Variants in CAMTA1 observed in about 807,000 individuals in gnomAD.
CAMTA1 encodes the protein calmodulin binding transcription activator 1, also known as calmodulin-binding transcription activator 1.
Under a neutral mutation model 170.9 loss-of-function variants are expected in CAMTA1, and 27 were observed. The observed-to-expected ratio is 0.16, with a 90% confidence interval of 0.12 to 0.22. The LOEUF is 0.22. Ranked by LOEUF, CAMTA1 falls within the 10% of genes least tolerant of loss-of-function variation. The pLI is 1.00. For synonymous variants in CAMTA1, 833 were observed against 891.5 expected, an observed-to-expected ratio of 0.93 and a Z score of 1.17; for missense variants, 1,619 against 2,217.2, an observed-to-expected ratio of 0.73 and a Z score of 5.42.
At chr1:7,518,149 T>C (rs2094311872) in intron 6 of CAMTA1, among the ~76,000 whole-genome samples, 2 of 151,944 alleles carry the variant, frequency 1.3e-5, no homozygotes, top group East Asian at 1.9e-4. Flanking sequence ...CAAGCACGTG[T>C]CAGGGATATG....
chr1:7,691,061 GA>G lies in CAMTA1; in HGVS notation c.2914+13330del, dbSNP rs1273915964. ...TTCCCGTCCAGGGGAGGAAACATCC[GA>G]ACTGACCACCTGTCTTCGCACAAAC... On this transcript the variant is annotated intron_variant, in intron 11 of 22. Transcript: ENST00000303635. Among the ~76,000 whole-genome samples, 19 of 152,328 alleles carry G rather than the reference GA, an allele frequency of 1.2e-4. No homozygotes were observed. The East Asian group carries it at 3.5e-3, about 28-fold the overall frequency.
chr1:7,524,821 T>C (rs1332565853), intron 6 of CAMTA1, among the ~76,000 whole-genome samples: 1 of 152,028 alleles, frequency 6.6e-6, no homozygotes, highest in Non-Finnish European at 1.5e-5. Context: ...AGCCTCCCGC[T>C]CAGGTTTTTG....
chr1:6,953,790 G>A (rs978584598), intron 3 of CAMTA1, among the ~76,000 whole-genome samples: 3 of 150,912 alleles, frequency 2.0e-5, no homozygotes, highest in South Asian at 2.1e-4. Flanking sequence ...TTTCTGGTAC[G>A]TACAGCACAT....
At chr1:7,725,306 A>C (rs1338960129) in intron 11 of CAMTA1, among the ~76,000 whole-genome samples, 2 of 152,248 alleles carry the variant, frequency 1.3e-5, no homozygotes, top group East Asian at 3.8e-4. Flanking sequence ...AAGACAGCCC[A>C]TGTTGTCAGC....
intron 6 of CAMTA1, among the ~76,000 whole-genome samples, chr1:7,568,043 A>G (rs1175358274): frequency 6.6e-6 from 1 of 152,154 alleles, no homozygotes. Flanking sequence ...AAGGTGATCA[A>G]TAAATGTTTA....
intron 3 of CAMTA1, among the ~76,000 whole-genome samples, chr1:6,925,617 C>G (rs1021854670): frequency 6.6e-6 from 1 of 152,254 alleles, no homozygotes; most frequent in South Asian, 2.1e-4. Flanking sequence ...CTCTGCCCTC[C>G]AGCCACTCCT....
intron 7 of CAMTA1, among the ~76,000 whole-genome samples, chr1:7,658,665 G>C (rs2095926902): frequency 6.6e-6 from 1 of 152,196 alleles, no homozygotes; most frequent in African/African-American, 2.4e-5. Flanking sequence ...TGGGCATAGG[G>C]ACAGGCCAGA....
intron 5 of CAMTA1, among the ~76,000 whole-genome samples, chr1:7,361,272 C>A (rs1452044693): frequency 6.6e-6 from 1 of 152,206 alleles, no homozygotes; most frequent in Non-Finnish European, 1.5e-5. Context: ...CAGATATCTG[C>A]TGAGCTGTGA....
chr1:6,830,635 G>T (rs1166334414), intron 3 of CAMTA1, among the ~76,000 whole-genome samples: 1 of 152,030 alleles, frequency 6.6e-6, no homozygotes, highest in African/African-American at 2.4e-5. Context: ...GAGCCACGGC[G>T]CCCAGCTTAA....
At chr1:7,741,602 G>A (rs1383164366) in intron 16 of CAMTA1, among the ~76,000 whole-genome samples, 1 of 151,730 alleles carries the variant, frequency 6.6e-6, no homozygotes, top group Non-Finnish European at 1.5e-5. Context: ...GCATAAAAAC[G>A]GGCTACAGAA....
chr1:7,747,513 G>A (rs930683340), intron 18 of CAMTA1, among the ~76,000 whole-genome samples, 197 bp from the exon 19 acceptor site: 2 of 152,150 alleles, frequency 1.3e-5, no homozygotes, highest in African/African-American at 4.8e-5. Flanking sequence ...CAATATCATA[G>A]TTTTATTTAG....
chr1:7,165,903 T>G (rs1292828402), intron 4 of CAMTA1, among the ~76,000 whole-genome samples: 1 of 152,154 alleles, frequency 6.6e-6, no homozygotes, highest in Non-Finnish European at 1.5e-5. Context: ...TAGAGAGAGA[T>G]AGGGGTGTGT....
chr1:7,215,836 T>G (rs977832922), intron 4 of CAMTA1, among the ~76,000 whole-genome samples: 3 of 152,262 alleles, frequency 2.0e-5, no homozygotes, highest in African/African-American at 7.2e-5. Flanking sequence ...TTTTATGAAA[T>G]GCATTGATTA....
At chr1:7,372,867 A>G (rs1399372147) in intron 5 of CAMTA1, among the ~76,000 whole-genome samples, 1 of 152,178 alleles carries the variant, frequency 6.6e-6, no homozygotes, top group African/African-American at 2.4e-5. Flanking sequence ...CCACCATCCT[A>G]CAATGCTTCT....
intron 22 of CAMTA1, among the ~76,000 whole-genome samples, chr1:7,765,591 G>A (rs970569390): frequency 1.3e-5 from 2 of 152,190 alleles, no homozygotes; most frequent in African/African-American, 4.8e-5. Flanking sequence ...GGAATGGGAG[G>A]AAAGTAAGGA....
At chr1:7,498,287 TATG>T (rs1381152302) in intron 6 of CAMTA1, among the ~76,000 whole-genome samples, 1 of 149,890 alleles carries the variant, frequency 6.7e-6, no homozygotes, top group Non-Finnish European at 1.5e-5. Flanking sequence ...TGTGAGCGTG[TATG>T]AGCGTGACAG....
In CAMTA1 at chr1:7,767,711, AAG is replaced by A. The variant is rs2097031598; in HGVS notation, c.*1222_*1223del. On this transcript the variant is annotated 3_prime_UTR_variant, in exon 23 of 23. Transcript: ENST00000303635. ...AGATATGTGCATGAAATCAAGAAAA[AAG>A]AAATGAACAAAAGCAAAGCATTAGT... is the stretch of plus-strand genomic sequence containing the variant. 6.5e-6 allele frequency: 1 copy of A among 152,690 alleles called. No homozygotes were observed. The highest frequency in any genetic ancestry group is 1.5e-5 in the Non-Finnish European group (1 of 68,004). 9.5% of individuals were successfully genotyped at this position (152,690 alleles called of 1,614,324 possible).
Position 7,702,939 on chromosome 1 carries a change from C to T in CAMTA1, c.2914+25206C>T, listed in dbSNP as rs141366173. On this transcript the variant is annotated intron_variant, in intron 11 of 22. Coordinates refer to ENST00000303635, the MANE Select transcript of CAMTA1 (RefSeq NM_015215.4). ...TGCCAGGCACTGGTACATGCACCTT[C>T]CACCTATTGATTCCTTTAACTCCCG... Among the ~76,000 whole-genome samples the T allele has an allele frequency of 2.4e-3, 373 of 152,294 alleles. 2 individuals carry two copies. Among genetic ancestry groups the T allele is most frequent in the African/African-American group, 8.7e-3 (363 of 41,546 alleles).
chr1:6,789,711 G>T (rs931736954), intron 1 of CAMTA1, among the ~76,000 whole-genome samples: 1 of 150,668 alleles, frequency 6.6e-6, no homozygotes, highest in Non-Finnish European at 1.5e-5. Flanking sequence ...CCGAGCTTCT[G>T]TTATGTACAA....
Sources: gnomAD v4.1 joint callset for allele counts (sites outside exome capture counted in the v4.1 genomes callset) on GRCh38, gnomAD v4.1.1 for gene constraint, MANE v1.5 for transcripts, NCBI Gene and HGNC (gene_info 2026-07-23, HGNC 2026-07-21) for gene names.